Variants in WASHC4 observed in about 807,000 individuals in gnomAD.
WASHC4 encodes the protein WASH complex subunit 7.
In WASHC4, 86 loss-of-function variants were observed where a neutral mutation model predicts 166.6. That is an observed-to-expected ratio of 0.52 (90% CI 0.43 to 0.62). WASHC4 has a LOEUF of 0.62. Ranked by LOEUF, WASHC4 falls within the 20% of genes least tolerant of loss-of-function variation. WASHC4 has a pLI of 0.00. For missense variants in WASHC4, 1,262 were observed against 1,382.4 expected, an observed-to-expected ratio of 0.91 and a Z score of 1.38; for synonymous variants, 446 against 451.6, an observed-to-expected ratio of 0.99 and a Z score of 0.16.
At chr12:105,110,425 T>C (rs1247223517) in intron 1 of WASHC4, among the ~76,000 whole-genome samples, 1 of 152,218 alleles carries the variant, frequency 6.6e-6, no homozygotes, top group Non-Finnish European at 1.5e-5. Flanking sequence ...CTTTGACGAA[T>C]AGGCATATTT....
In WASHC4 at chr12:105,144,368, A is replaced by G; in HGVS notation, c.2092A>G (p.Asn698Asp). The G allele has an allele frequency of 4.3e-6, 7 of 1,613,470 alleles. No homozygotes were observed. The highest frequency in any genetic ancestry group is 5.9e-6 in the Non-Finnish European group (7 of 1,179,474). The part of the protein sequence containing the change: ...VHTHLKLDDR[N>D]PFKVGMKDLA... ...TACTCATTTAAAGCTGGATGACCGA[A>G]ACCCTTTCAAAGTTGGCATGAAAGA... Residue 698 changes from asparagine (N) to aspartate (D), a missense_variant, in exon 21 of 33, where the codon AAC (asparagine) becomes GAC (aspartate). Asn to Asp is a conservative substitution (Grantham distance 23). Transcript: ENST00000332180.
intron 25 of WASHC4, among the ~76,000 whole-genome samples, chr12:105,151,718 G>T (rs1262843498): frequency 6.6e-6 from 1 of 152,180 alleles, no homozygotes; most frequent in Non-Finnish European, 1.5e-5. Context: ...CTGACCTAGT[G>T]ATCTGCCTGC....
rs1884666484 is a variant in WASHC4 at position 105,164,153 on chromosome 12, T to C, written c.3200T>C (p.Phe1067Ser). The C allele has an allele frequency of 1.9e-6, 3 of 1,614,174 alleles. No individual in the cohort carries two copies. The highest frequency in any genetic ancestry group is 2.5e-6 in the Non-Finnish European group (3 of 1,180,004). Residue 1067 changes from phenylalanine (F) to serine (S), a missense_variant, in exon 31 of 33, where the codon TTT becomes TCT. Phe to Ser is a radical substitution (Grantham distance 155, BLOSUM62 -2). Transcript: ENST00000332180. ...AAGCTTTTGGATCAGTATCGGGAGT[T>C]TGATTCACTTCACTGGTTCCAGTCT... ...ILKLLDQYRE[F>S]DSLHWFQSVR...
chr12:105,146,548 T>TTC, intron 23 of WASHC4, 22 bp downstream of exon 23: 1 of 1,486,176 alleles, frequency 6.7e-7, no homozygotes, highest in Admixed American at 1.7e-5. Flanking sequence ...TTATAAATTT[T>TTC]TTTTTTTTAA....
intron 13 of WASHC4, among the ~76,000 whole-genome samples, chr12:105,133,346 A>G (rs1882030854): frequency 6.6e-6 from 1 of 152,202 alleles, no homozygotes; most frequent in South Asian, 2.1e-4. Flanking sequence ...TTGGCTCAAA[A>G]TCACCTACTC....
At chr12:105,130,639 C>T (rs1157436997) in intron 13 of WASHC4, among the ~76,000 whole-genome samples, 3 of 152,024 alleles carry the variant, frequency 2.0e-5, no homozygotes, top group Non-Finnish European at 2.9e-5. Context: ...AAGAGGTGTC[C>T]CAAGGTCAGG....
intron 25 of WASHC4, among the ~76,000 whole-genome samples, chr12:105,150,523 G>A (rs1422930272): frequency 2.0e-5 from 3 of 152,162 alleles, no homozygotes; most frequent in Non-Finnish European, 2.9e-5. Context: ...AGTGGCTCAT[G>A]CCTGTAATCC....
chr12:105,166,964 T>C lies in WASHC4; in HGVS notation c.*33T>C. The C allele has an allele frequency of 6.9e-7, 1 of 1,449,752 alleles. No individual in the cohort carries two copies. The highest frequency in any genetic ancestry group is 1.1e-5 in the South Asian group (1 of 87,886). The allele number at this position is 1,449,752 out of a possible 1,614,324, so 89.8% of individuals were successfully genotyped here. On this transcript the variant is annotated 3_prime_UTR_variant, in exon 33 of 33. Coordinates refer to ENST00000332180, the MANE Select transcript of WASHC4 (RefSeq NM_015275.3). ...GGTATTCACTGCACATATGATGAAA[T>C]CATCAGAATTGTTAAAACTTTTGCC...
chr12:105,122,376 C>T lies in WASHC4; in HGVS notation c.786+138C>T, dbSNP rs535606702. 76 of 828,712 alleles carry T rather than the reference C, an allele frequency of 9.2e-5. 2 individuals are homozygous for T. The South Asian group carries it at 1.1e-3, about 12-fold the overall frequency. 51.3% of individuals were successfully genotyped at this position (828,712 alleles called of 1,614,324 possible). A position where few individuals can be genotyped will look rare whatever the true frequency, so the allele number is the denominator to read the frequency against. On this transcript the variant is annotated intron_variant, in intron 10 of 32. Coordinates refer to ENST00000332180, the MANE Select transcript of WASHC4 (RefSeq NM_015275.3). ...GTGCTTTGGCTTAAAATTATTGTTA[C>T]AGTACTAAAATATTTCTGTATCTAG...
At chr12:105,146,033 A>G (rs1883264376) in intron 22 of WASHC4, among the ~76,000 whole-genome samples, 1 of 152,150 alleles carries the variant, frequency 6.6e-6, no homozygotes, top group Admixed American at 6.5e-5. Context: ...AGAATTACAT[A>G]TAAGGAACCT....
chr12:105,146,473 A>G lies in WASHC4; in HGVS notation c.2356A>G (p.Met786Val). Residue 786 changes from methionine (M) to valine (V), a missense_variant, in exon 23 of 33, where the codon ATG becomes GTG. Coordinates refer to ENST00000332180, the MANE Select transcript of WASHC4 (RefSeq NM_015275.3). ...LEQGLDVLEI[M>V]RNIHIFVSRY... The stretch of plus-strand genomic sequence containing the variant: ...GTAGGGCCTTGATGTTTTAGAAATT[A>G]TGAGAAACATTCATATATTTGTGTC... 6.3e-7 allele frequency: 1 copy of G among 1,591,310 alleles called. No homozygotes were observed. Among genetic ancestry groups the G allele is most frequent in the Non-Finnish European group, 8.6e-7 (1 of 1,159,670 alleles).
chr12:105,132,725 C>A (rs1417332274), intron 13 of WASHC4, among the ~76,000 whole-genome samples: 1 of 150,702 alleles, frequency 6.6e-6, no homozygotes, highest in African/African-American at 2.4e-5. Flanking sequence ...GTAGCAGTTT[C>A]TTGTTCTGTT....
In WASHC4 at chr12:105,115,180, A is replaced by G; in HGVS notation, c.322-4A>G. The G allele has an allele frequency of 2.7e-6, 4 of 1,501,006 alleles. No individual in the cohort carries two copies. The highest frequency in any genetic ancestry group is 3.7e-6 in the Non-Finnish European group (4 of 1,078,794). 93.0% of individuals were successfully genotyped at this position (1,501,006 alleles called of 1,614,324 possible). A position where few individuals can be genotyped will look rare whatever the true frequency, so the allele number is the denominator to read the frequency against. ...AATTATTTTAATTTTTTTCTTAAAAACAGGCTGAAACTAAATTTTACAATG... is the reference window on the plus strand; with the variant it reads ...AATTATTTTAATTTTTTTCTTAAAAGCAGGCTGAAACTAAATTTTACAATG... On this transcript the variant is annotated splice_polypyrimidine_tract_variant and splice_region_variant and intron_variant, in intron 4 of 32. Coordinates refer to ENST00000332180, the MANE Select transcript of WASHC4 (RefSeq NM_015275.3).
At chr12:105,111,311 A>G in intron 2 of WASHC4, 47 bp downstream of exon 2, 1 of 1,207,146 alleles carries the variant, frequency 8.3e-7, no homozygotes, top group South Asian at 1.4e-5. Flanking sequence ...TTCTGGACAT[A>G]CTATATCCTG....
At position 105,144,768 on chromosome 12, in the gene WASHC4, G is replaced by C; in HGVS notation, c.2230G>C (p.Ala744Pro). The C allele has an allele frequency of 6.2e-7, 1 of 1,611,978 alleles. No individual in the cohort carries two copies. Among genetic ancestry groups the C allele is most frequent in the Non-Finnish European group, 8.5e-7 (1 of 1,179,016 alleles). Residue 744 changes from alanine (A) to proline (P), a missense_variant, in exon 22 of 33, where the codon GCC (alanine) becomes CCC (proline). Physicochemically the swap from Ala to Pro is conservative, Grantham distance 27. Transcript: ENST00000332180. The part of the protein sequence containing the change: ...DKTFYNLTTV[A>P]LHDWATYSEM... ...GACTTTCTACAATCTAACAACTGTA[G>C]CCCTTCATGACTGGGCCACTTATAG...
intron 14 of WASHC4, among the ~76,000 whole-genome samples, chr12:105,137,333 A>G (rs1295465377): frequency 2.4e-4 from 37 of 152,188 alleles, no homozygotes; most frequent in Non-Finnish European, 1.9e-4. Flanking sequence ...CAAACTAGGC[A>G]AGGATGAGAT....
At chr12:105,138,888 C>T (rs1012974496) in intron 15 of WASHC4, among the ~76,000 whole-genome samples, 1 of 151,994 alleles carries the variant, frequency 6.6e-6, no homozygotes, top group African/African-American at 2.4e-5. Flanking sequence ...TTAAGAAATA[C>T]CCACTGTCCC....
chr12:105,126,402 A>T, intron 12 of WASHC4, 40 bp downstream of exon 12: 1 of 1,443,502 alleles, frequency 6.9e-7, no homozygotes, highest in South Asian at 1.2e-5. Context: ...GAGCAGATTA[A>T]AAAGATTGCA....
chr12:105,146,397 T>A, intron 22 of WASHC4, 55 bp from the exon 23 acceptor site: 1 of 1,055,888 alleles, frequency 9.5e-7, no homozygotes, highest in Non-Finnish European at 1.5e-6. Context: ...TGATACAAGT[T>A]TAACTGATTA....
Sources: allele counts gnomAD v4.1 joint callset (sites outside exome capture counted in the v4.1 genomes callset), GRCh38; gene constraint gnomAD v4.1.1; transcripts MANE v1.5; gene names NCBI Gene and HGNC (gene_info 2026-07-23, HGNC 2026-07-21).